The following ZNF354C variants were observed in gnomAD, a reference collection of about 807,000 sequenced individuals.
ZNF354C encodes zinc finger protein 354C, also known as KRAB-zinc finger protein synten.
In ZNF354C, 7 loss-of-function variants were observed where a neutral mutation model predicts 12.4. The observed-to-expected ratio is 0.56, with a 90% CI of 0.32 to 1.06. The LOEUF is 1.06. Ranked by LOEUF, ZNF354C falls within the 50% of genes least tolerant of loss-of-function variation. The probability of loss-of-function intolerance (pLI) is 0.04; values close to 1 mark genes in which losing one functional copy is unlikely to be tolerated. For missense variants in ZNF354C, 609 were observed against 658.0 expected, an observed-to-expected ratio of 0.93 and a Z score of 0.81; for synonymous variants, 202 against 224.5, an observed-to-expected ratio of 0.90 and a Z score of 0.90.
At chr5:179,072,834 GTGTA>G (rs977977505) in intron 2 of ZNF354C, among the ~76,000 whole-genome samples, 4 of 152,234 alleles carry the variant, frequency 2.6e-5, no homozygotes, top group African/African-American at 9.6e-5. Context: ...ATATATGTTT[GTGTA>G]TGTATGTATG....
At chr5:179,061,028 A>T (rs1322112648) in intron 1 of ZNF354C, among the ~76,000 whole-genome samples, 1 of 152,216 alleles carries the variant, frequency 6.6e-6, no homozygotes, top group Non-Finnish European at 1.5e-5. Flanking sequence ...AGTCTCCGTA[A>T]CATCTGTAAA....
At chr5:179,076,005 C>T (rs187905484) in intron 2 of ZNF354C, among the ~76,000 whole-genome samples, 2 of 152,340 alleles carry the variant, frequency 1.3e-5, no homozygotes, top group African/African-American at 2.4e-5. Flanking sequence ...GTCAGGCTGT[C>T]GGCAGGGCTG....
chr5:179,077,401 G>A (rs1322539798), intron 4 of ZNF354C, among the ~76,000 whole-genome samples: 1 of 152,184 alleles, frequency 6.6e-6, no homozygotes, highest in Non-Finnish European at 1.5e-5. Flanking sequence ...TTAACAGAGA[G>A]TAGTTTAGAG....
intron 2 of ZNF354C, among the ~76,000 whole-genome samples, chr5:179,069,648 G>A (rs1454271384): frequency 6.6e-6 from 1 of 151,358 alleles, no homozygotes; most frequent in African/African-American, 2.4e-5. Flanking sequence ...GGTGGCTCAC[G>A]AGATCAGGAG....
chr5:179,076,712 T>C, intron 3 of ZNF354C, 141 bp downstream of exon 3: 1 of 1,091,758 alleles, frequency 9.2e-7, no homozygotes, highest in South Asian at 1.6e-5. Flanking sequence ...GTGTACATCT[T>C]TGTTGTGATG....
Position 179,079,821 on chromosome 5 carries a change from T to C in ZNF354C, c.1389T>C (p.Thr463=). The change falls in exon 5 of 5, where the codon ACT becomes ACC. Residue 463 remains threonine, a synonymous_variant. Coordinates refer to ENST00000315475, the MANE Select transcript of ZNF354C (RefSeq NM_014594.3). The surrounding 1 kb of genome is among the most constrained non-coding windows in gnomAD (Gnocchi z 4.2). The stretch of plus-strand genomic sequence containing the variant: ...TTTATAGGCATCAGAGAATTCATAC[T>C]GGAGAGAAACCGTATCAGTGTAATC... The part of the protein sequence containing the change: ...SNLYRHQRIH[T]GEKPYQCNQC... 7 of 1,614,130 alleles carry C rather than the reference T, an allele frequency of 4.3e-6. No individual in the cohort carries two copies. In the South Asian group the frequency reaches 5.5e-5, roughly 13 times the overall value.
At chr5:179,075,132 G>A (rs907681819) in intron 2 of ZNF354C, among the ~76,000 whole-genome samples, 18 of 151,934 alleles carry the variant, frequency 1.2e-4, no homozygotes, top group Admixed American at 7.2e-4. Flanking sequence ...GGTGGTGGGC[G>A]CCTGTAGTCC....
intron 2 of ZNF354C, among the ~76,000 whole-genome samples, chr5:179,071,097 T>A: frequency 6.6e-6 from 1 of 151,996 alleles, no homozygotes; most frequent in East Asian, 1.9e-4. Flanking sequence ...GTGATCTGCC[T>A]GCCTCAGCCT....
chr5:179,077,137 A>AAAGAG lies in ZNF354C; in HGVS notation c.225_229dup (p.Val77GlufsTer9), dbSNP rs759190942. 12 of 1,614,204 alleles carry AAAGAG rather than the reference A, an allele frequency of 7.4e-6. No homozygotes were observed. The South Asian group carries it at 1.3e-4, about 18-fold the overall frequency. On this transcript the variant is annotated frameshift_variant, in exon 4 of 5. Coordinates refer to ENST00000315475, the MANE Select transcript of ZNF354C (RefSeq NM_014594.3). LOFTEE classifies it low-confidence loss of function (END_TRUNC). The stretch of plus-strand genomic sequence containing the variant: ...CAAGGAGAAGATCCCTGCATGGTGG[A>AAAGAG]AAGAGAAGTCCCTTCAGATACCCGT...
Position 179,076,443 on chromosome 5 carries a change from A to G in ZNF354C, c.28-2A>G, listed in dbSNP as rs762191223. 2.5e-6 allele frequency: 4 copies of G among 1,614,082 alleles called. No homozygotes were observed. Among genetic ancestry groups the G allele is most frequent in the East Asian group, 2.2e-5 (1 of 44,884 alleles). On this transcript the variant is annotated splice_acceptor_variant, in intron 2 of 4. Transcript: ENST00000315475. LOFTEE classifies it high-confidence loss of function. The stretch of plus-strand genomic sequence containing the variant: ...TGAGCAGGTATGGGTTTGCCATTAC[A>G]GGAGCCTGTGACATTCAGGGATGTG...
intron 2 of ZNF354C, among the ~76,000 whole-genome samples, chr5:179,065,548 T>A (rs1761948363): frequency 6.6e-6 from 1 of 152,126 alleles, no homozygotes; most frequent in Admixed American, 6.6e-5. Context: ...TCCAAGTAGC[T>A]GGGATTACAG....
At chr5:179,075,703 G>C (rs1335755746) in intron 2 of ZNF354C, among the ~76,000 whole-genome samples, 1 of 152,104 alleles carries the variant, frequency 6.6e-6, no homozygotes, top group African/African-American at 2.4e-5. Flanking sequence ...TTCTTTTGTG[G>C]CTGGCTTTTT....
At chr5:179,069,776 G>T (rs1210356057) in intron 2 of ZNF354C, among the ~76,000 whole-genome samples, 1 of 151,522 alleles carries the variant, frequency 6.6e-6, no homozygotes, top group Admixed American at 6.6e-5. Context: ...TGAGGCAGGA[G>T]AATGGTGTGA....
intron 2 of ZNF354C, among the ~76,000 whole-genome samples, chr5:179,074,224 G>A (rs899291313): frequency 6.6e-6 from 1 of 150,808 alleles, no homozygotes; most frequent in African/African-American, 2.4e-5. Context: ...CTCGTGATCC[G>A]CCCGCGTCAG....
Position 179,079,841 on chromosome 5 carries a change from GTA to G in ZNF354C, c.1410_1411del (p.Cys470Ter). On this transcript the variant is annotated stop_gained and frameshift_variant, in exon 5 of 5. Coordinates refer to ENST00000315475, the MANE Select transcript of ZNF354C (RefSeq NM_014594.3). LOFTEE classifies it low-confidence loss of function (END_TRUNC). The surrounding 1 kb of genome is among the most constrained non-coding windows in gnomAD (Gnocchi z 4.2). ...CATACTGGAGAGAAACCGTATCAGTGTAATCAGTGTGGAAAGGCCTTCAGCCA... is the reference window on the plus strand; with the variant it reads ...CATACTGGAGAGAAACCGTATCAGTGATCAGTGTGGAAAGGCCTTCAGCCA... The G allele has an allele frequency of 6.2e-7, 1 of 1,614,112 alleles. No homozygotes were observed. The highest frequency in any genetic ancestry group is 1.7e-5 in the Admixed American group (1 of 60,024).
At chr5:179,069,701 TA>T (rs1388240310) in intron 2 of ZNF354C, among the ~76,000 whole-genome samples, 2 of 147,872 alleles carry the variant, frequency 1.4e-5, no homozygotes, top group East Asian at 2.0e-4. Flanking sequence ...CCGTCTCTAC[TA>T]AAAAATACAA....
chr5:179,074,952 A>C (rs1000084458), intron 2 of ZNF354C, among the ~76,000 whole-genome samples: 6 of 152,298 alleles, frequency 3.9e-5, no homozygotes, highest in African/African-American at 1.4e-4. Context: ...GTCTAACTAC[A>C]AAGTCAACAT....
At chr5:179,078,566 G>C (rs1174030873) in intron 4 of ZNF354C, 117 bp from the exon 5 acceptor site, 2 of 790,498 alleles carry the variant, frequency 2.5e-6, no homozygotes, top group Non-Finnish European at 4.0e-6. Flanking sequence ...GTCAGCATTT[G>C]AAATCTGATT....
Position 179,080,173 on chromosome 5 carries a change from T to A in ZNF354C, c.*76T>A. ...AAATAGGGTACAAACTCCTAATAGA[T>A]TTGTCTTTTTTACTTCTCCTGAAGG... On this transcript the variant is annotated 3_prime_UTR_variant, in exon 5 of 5. Coordinates refer to ENST00000315475, the MANE Select transcript of ZNF354C (RefSeq NM_014594.3). The A allele has an allele frequency of 8.8e-7, 1 of 1,134,346 alleles. No homozygotes were observed. Among genetic ancestry groups the A allele is most frequent in the Non-Finnish European group, 1.2e-6 (1 of 808,866 alleles). 70.3% of individuals were successfully genotyped at this position (1,134,346 alleles called of 1,614,324 possible).
Sources: allele counts gnomAD v4.1 joint callset (sites outside exome capture counted in the v4.1 genomes callset), GRCh38; gene constraint gnomAD v4.1.1; non-coding constraint Gnocchi (gnomAD v3.1); transcripts MANE v1.5; gene names NCBI Gene and HGNC (gene_info 2026-07-23, HGNC 2026-07-21).